The following DHRS7 variants were observed in gnomAD, a reference collection of about 807,000 sequenced individuals.
DHRS7 encodes dehydrogenase/reductase SDR family member 7.
A neutral mutation model predicts 38.9 loss-of-function variants in DHRS7; 34 were observed. That is an observed-to-expected ratio of 0.87 (90% CI 0.66 to 1.16). The LOEUF is 1.16. Among genes scored for constraint, DHRS7 ranks in the 50% most tolerant of loss-of-function variants. The pLI is 0.00. For synonymous variants in DHRS7, 158 were observed against 153.1 expected (o/e 1.03, Z -0.24); for missense variants, 421 against 407.0 (o/e 1.03, Z -0.30).
upstream of DHRS7, among the ~76,000 whole-genome samples, chr14:60,167,716 A>T (rs547611667): frequency 3.9e-5 from 6 of 152,344 alleles, no homozygotes; most frequent in South Asian, 1.2e-3. Flanking sequence ...GGGACTGAGG[A>T]ATCTAGGGAG....
At chr14:60,159,666 G>C (rs1189430398) in intron 1 of DHRS7, among the ~76,000 whole-genome samples, 2 of 152,058 alleles carry the variant, frequency 1.3e-5, no homozygotes, top group Non-Finnish European at 2.9e-5. Flanking sequence ...TAACCATCAT[G>C]CTGTGAAAAA....
At chr14:60,165,791 G>A (rs1896859901), upstream of DHRS7, among the ~76,000 whole-genome samples, 1 of 152,122 alleles carries the variant, frequency 6.6e-6, no homozygotes, top group Non-Finnish European at 1.5e-5. This position sits in a 1 kb window ranked among gnomAD's most constrained non-coding sequence, Gnocchi z 4.6. Flanking sequence ...CCCTTTTCAA[G>A]CTTCAGTATC....
In DHRS7 at chr14:60,144,982, T is replaced by G. The variant is rs529650700; in HGVS notation, c.1004A>C (p.Lys335Thr). Reference protein sequence around the residue: ...DADSSYFKIFKTKHD With the variant: ...DADSSYFKIFTTKHD The stretch of plus-strand genomic sequence containing the variant: ...GTGCTCTTTTCAGTCATGTTTTGTC[T>G]TAAAGATTTTAAAATAAGAAGAGTC... Residue 335 changes from lysine to threonine, a missense_variant, in exon 7 of 7, where the codon AAG becomes ACG. Transcript: ENST00000557185. The G allele has an allele frequency of 2.5e-6, 4 of 1,603,002 alleles. No individual in the cohort carries two copies. The South Asian group carries it at 4.6e-5, about 18-fold the overall frequency.
chr14:60,156,698 A>G (rs1896667303), intron 1 of DHRS7, among the ~76,000 whole-genome samples: 1 of 152,168 alleles, frequency 6.6e-6, no homozygotes, highest in Admixed American at 6.5e-5. Flanking sequence ...TAGATTTTTA[A>G]AGTAGTATTT....
upstream of DHRS7, chr14:60,166,345 G>T: frequency 1.1e-6 from 1 of 898,774 alleles, no homozygotes; most frequent in Non-Finnish European, 1.3e-6. Flanking sequence ...GTGGCCAAAT[G>T]GAGAAAGTTC....
chr14:60,160,579 T>C (rs1896745237), intron 1 of DHRS7, among the ~76,000 whole-genome samples: 1 of 151,954 alleles, frequency 6.6e-6, no homozygotes, highest in Admixed American at 6.5e-5. Context: ...CTAACCTGTT[T>C]TTTGGCGGGG....
Position 60,165,373 on chromosome 14 carries a change from C to G in DHRS7, c.-64G>C. 1 of 1,523,580 alleles carries G rather than the reference C, an allele frequency of 6.6e-7. No homozygotes were observed. The allele number at this position is 1,523,580 out of a possible 1,614,324, so 94.4% of individuals were successfully genotyped here. Reference sequence around the variant, plus strand: ...CCCGCACCAGAGTCGCGTCGCTGCCCTGCGGGATCGCAGCGCCACCCCTTC... The same window carrying G: ...CCCGCACCAGAGTCGCGTCGCTGCCGTGCGGGATCGCAGCGCCACCCCTTC... On this transcript the variant is annotated 5_prime_UTR_variant, in exon 1 of 7. Transcript: ENST00000557185. The surrounding 1 kb of genome is among the most constrained non-coding windows in gnomAD (Gnocchi z 4.6).
intron 4 of DHRS7, among the ~76,000 whole-genome samples, chr14:60,151,974 G>A (rs1237747631): frequency 1.3e-5 from 2 of 152,172 alleles, no homozygotes; most frequent in Non-Finnish European, 2.9e-5. Flanking sequence ...CTGCTCCACA[G>A]GAAGTGACTG....
rs1896765916 is a variant in DHRS7, at chr14:60,161,623, C to T, written c.133+3554G>A. Among the ~76,000 whole-genome samples, 1 of 152,156 alleles carries T rather than the reference C, an allele frequency of 6.6e-6. No homozygotes were observed. The highest frequency in any genetic ancestry group is 2.4e-5 in the African/African-American group (1 of 41,422). Reference sequence around the variant, plus strand: ...TCACTCTTCTGCTCACACCCACCTGCACCAATTCTAGTTGGTTAATGTTCC... The same window carrying T: ...TCACTCTTCTGCTCACACCCACCTGTACCAATTCTAGTTGGTTAATGTTCC... On this transcript the variant is annotated intron_variant, in intron 1 of 6. Transcript: ENST00000557185. The surrounding 1 kb of genome is among the most constrained non-coding windows in gnomAD (Gnocchi z 4.2).
At chr14:60,169,150 A>AC (rs1334348392), upstream of DHRS7, 28 of 150,384 alleles carry the variant, frequency 1.9e-4, no homozygotes, top group African/African-American at 6.9e-4. Flanking sequence ...AAAAAAAAAA[A>AC]AAAAAAAAAA....
chr14:60,165,474 G>C, upstream of DHRS7: 1 of 1,347,664 alleles, frequency 7.4e-7, no homozygotes. The surrounding 1 kb of genome is among the most constrained non-coding windows in gnomAD (Gnocchi z 4.6). Flanking sequence ...GGCGCGCCGG[G>C]CTCAGCACTC....
In DHRS7 at chr14:60,165,355, C is replaced by T. The variant is rs759265818; in HGVS notation, c.-46G>A. ...TCGGGGGGAAGAAGACGGCCCGCACCAGAGTCGCGTCGCTGCCCTGCGGGA... is the reference window on the plus strand; with the variant it reads ...TCGGGGGGAAGAAGACGGCCCGCACTAGAGTCGCGTCGCTGCCCTGCGGGA... On this transcript the variant is annotated 5_prime_UTR_variant, in exon 1 of 7. Transcript: ENST00000557185. This position sits in a 1 kb window ranked among gnomAD's most constrained non-coding sequence, Gnocchi z 4.6. The T allele has an allele frequency of 2.5e-5, 39 of 1,543,526 alleles. No homozygotes were observed. The highest frequency in any genetic ancestry group is 2.2e-4 in the South Asian group (19 of 84,590).
In DHRS7 at chr14:60,148,102, C is replaced by G. The variant is rs1306772252; in HGVS notation, c.972+1251G>C. The G allele has an allele frequency of 6.6e-6, 1 of 152,174 alleles. No individual in the cohort carries two copies. Among genetic ancestry groups the G allele is most frequent in the Non-Finnish European group, 1.5e-5 (1 of 68,024 alleles). 9.4% of individuals were successfully genotyped at this position (152,174 alleles called of 1,614,324 possible). ...TCACACTCTGGACATTTTAGTGTGT[C>G]ATGACCCAGTCTGATAACCTTTTAT... On this transcript the variant is annotated intron_variant, in intron 6 of 6. Transcript: ENST00000557185. The surrounding 1 kb of genome is among the most constrained non-coding windows in gnomAD (Gnocchi z 4.8).
intron 2 of DHRS7, 32 bp from the exon 3 acceptor site, chr14:60,154,097 A>G (rs1325282443): frequency 6.4e-7 from 1 of 1,567,698 alleles, no homozygotes; most frequent in Non-Finnish European, 8.8e-7. Context: ...TGTGGAAGTC[A>G]TGCCATAGTT....
chr14:60,163,376 A>G (rs770750163), intron 1 of DHRS7, among the ~76,000 whole-genome samples: 3 of 151,906 alleles, frequency 2.0e-5, no homozygotes, highest in Non-Finnish European at 2.9e-5. Context: ...CTGGTCTTGA[A>G]CTCCTGGGCT....
intron 2 of DHRS7, 73 bp downstream of exon 2, chr14:60,155,927 A>G (rs1183145150): frequency 7.5e-7 from 1 of 1,338,560 alleles, no homozygotes; most frequent in Admixed American, 2.9e-5. Flanking sequence ...CCTCTCTAAA[A>G]GTCCCAAAAC....
intron 1 of DHRS7, chr14:60,159,325 A>G: frequency 2.3e-6 from 1 of 428,924 alleles, no homozygotes; most frequent in Non-Finnish European, 4.3e-6. Context: ...AGCAAAAGAA[A>G]ATACAGAATT....
intron 1 of DHRS7, among the ~76,000 whole-genome samples, chr14:60,157,999 A>C (rs764031632): frequency 3.3e-5 from 5 of 152,056 alleles, no homozygotes; most frequent in Admixed American, 1.3e-4. Flanking sequence ...TTGGGAGGCC[A>C]AGGCGGGCAG....
rs1350870255 is a variant in DHRS7 at position 60,161,902 on chromosome 14, C to G, written c.133+3275G>C. On this transcript the variant is annotated intron_variant, in intron 1 of 6. Coordinates refer to ENST00000557185, the MANE Select transcript of DHRS7 (RefSeq NM_016029.4). The surrounding 1 kb of genome is among the most constrained non-coding windows in gnomAD (Gnocchi z 4.2). ...CTTCAGACACTGAGGTCTACAAATG[C>G]AACCCAAGGTTGCCTGATCTTTTCT... Among the ~76,000 whole-genome samples the G allele has an allele frequency of 2.0e-5, 3 of 152,184 alleles. No homozygotes were observed. Among genetic ancestry groups the G allele is most frequent in the Non-Finnish European group, 4.4e-5 (3 of 68,028 alleles).
Sources: gnomAD v4.1 joint callset for allele counts (sites outside exome capture counted in the v4.1 genomes callset) on GRCh38, gnomAD v4.1.1 for gene constraint, Gnocchi (gnomAD v3.1) non-coding constraint, MANE v1.5 for transcripts, NCBI Gene and HGNC (gene_info 2026-07-23, HGNC 2026-07-21) for gene names.